The following GRIK1 variants were observed in gnomAD, a reference collection of about 807,000 sequenced individuals.
GRIK1 encodes the protein glutamate ionotropic receptor kainate type subunit 1.
GRIK1 carries 69 observed loss-of-function variants against 105.7 expected under a neutral mutation model. The observed-to-expected ratio is 0.65, with a 90% CI of 0.54 to 0.80. GRIK1 has a LOEUF of 0.80. Ranked by LOEUF, GRIK1 falls within the 30% of genes least tolerant of loss-of-function variation. GRIK1 has a pLI of 0.00. For synonymous variants in GRIK1, 438 were observed against 431.3 expected, an observed-to-expected ratio of 1.02 and a Z score of -0.19; for missense variants, 1,109 against 1,167.3, an observed-to-expected ratio of 0.95 and a Z score of 0.73.
intron 1 of GRIK1, among the ~76,000 whole-genome samples, chr21:29,706,664 A>C (rs1042495770): frequency 2.6e-5 from 4 of 152,230 alleles, no homozygotes; most frequent in Non-Finnish European, 5.9e-5. Context: ...CAGATATCCA[A>C]GAAAGCTTCT....
At chr21:29,814,308 A>C (rs2145902722) in intron 1 of GRIK1, among the ~76,000 whole-genome samples, 1 of 151,954 alleles carries the variant, frequency 6.6e-6, no homozygotes, top group Admixed American at 6.6e-5. Flanking sequence ...TCTTCATGAC[A>C]AAGGAGAGAT....
At chr21:29,868,154 A>T (rs1173810595) in intron 1 of GRIK1, among the ~76,000 whole-genome samples, 1 of 152,214 alleles carries the variant, frequency 6.6e-6, no homozygotes, top group Non-Finnish European at 1.5e-5. Context: ...TGAAAACAAC[A>T]AAACTGGAAG....
intron 1 of GRIK1, among the ~76,000 whole-genome samples, chr21:29,879,309 C>G (rs754410796): frequency 2.0e-5 from 3 of 151,902 alleles, no homozygotes; most frequent in Non-Finnish European, 4.4e-5. Flanking sequence ...TTAGAGTGAT[C>G]AACAGAGAGA....
At chr21:29,757,674 A>T (rs1009359283) in intron 1 of GRIK1, among the ~76,000 whole-genome samples, 79 of 152,192 alleles carry the variant, frequency 5.2e-4, no homozygotes, top group Non-Finnish European at 8.5e-4. Flanking sequence ...CAGATAATCA[A>T]TTTTTCCCCC....
rs545884619 is a variant in GRIK1, at chr21:29,808,805, A to G, written c.119-114742T>C. Reference sequence around the variant, plus strand: ...CCCCCTGCAGTTCAAAATGTAGTTTATAATTTTCCTTAGCCCCCCATGTTT... The same window carrying G: ...CCCCCTGCAGTTCAAAATGTAGTTTGTAATTTTCCTTAGCCCCCCATGTTT... On this transcript the variant is annotated intron_variant, in intron 1 of 17. Transcript: ENST00000327783. Among the ~76,000 whole-genome samples, 6 of 152,294 alleles carry G rather than the reference A, an allele frequency of 3.9e-5. No homozygotes were observed. The South Asian group carries it at 1.2e-3, about 32-fold the overall frequency.
In GRIK1 at chr21:29,672,966, C is replaced by A. The variant is rs1456592576; in HGVS notation, c.726+17G>T. The A allele has an allele frequency of 7.0e-6, 11 of 1,565,568 alleles. No homozygotes were observed. The highest frequency in any genetic ancestry group is 9.6e-6 in the Non-Finnish European group (11 of 1,150,240). Reference sequence around the variant, plus strand: ...AACATTTATCCCACACCTCCACCTCCTCCCTAGCCCTCTTACCTGCTTAAG... The same window carrying A: ...AACATTTATCCCACACCTCCACCTCATCCCTAGCCCTCTTACCTGCTTAAG... On this transcript the variant is annotated intron_variant, in intron 4 of 17. Coordinates refer to ENST00000327783, the MANE Select transcript of GRIK1 (RefSeq NM_001330994.2).
intron 1 of GRIK1, among the ~76,000 whole-genome samples, chr21:29,730,863 A>G (rs2064605164): frequency 6.6e-6 from 1 of 152,110 alleles, no homozygotes; most frequent in African/African-American, 2.4e-5. Context: ...AAATTAAAAG[A>G]TAAAATAAAA....
At chr21:29,865,773 A>G (rs2068781230) in intron 1 of GRIK1, among the ~76,000 whole-genome samples, 1 of 152,256 alleles carries the variant, frequency 6.6e-6, no homozygotes, top group African/African-American at 2.4e-5. Context: ...ATATTTTTCA[A>G]AATAAAATAT....
At chr21:29,786,854 A>G (rs1360451326) in intron 1 of GRIK1, among the ~76,000 whole-genome samples, 2 of 152,192 alleles carry the variant, frequency 1.3e-5, no homozygotes, top group Admixed American at 6.5e-5. Context: ...ACCTATCCCC[A>G]GTAAGCCTTC....
intron 1 of GRIK1, among the ~76,000 whole-genome samples, chr21:29,926,950 C>T (rs559682174): frequency 2.0e-5 from 3 of 152,214 alleles, no homozygotes; most frequent in Non-Finnish European, 4.4e-5. Context: ...TAATTGGAGC[C>T]TGGATGATAG....
At chr21:29,740,929 G>T (rs539397796) in intron 1 of GRIK1, among the ~76,000 whole-genome samples, 1 of 152,318 alleles carries the variant, frequency 6.6e-6, no homozygotes, top group East Asian at 1.9e-4. Flanking sequence ...TTCTCAAGAA[G>T]ATAGATTTTA....
chr21:29,932,301 G>A (rs991676699), intron 1 of GRIK1, among the ~76,000 whole-genome samples: 3 of 152,116 alleles, frequency 2.0e-5, no homozygotes, highest in Non-Finnish European at 4.4e-5. Context: ...TTTGTGGCCA[G>A]TAGTTTACTT....
chr21:29,714,566 T>C (rs1300632957), intron 1 of GRIK1, among the ~76,000 whole-genome samples: 1 of 151,916 alleles, frequency 6.6e-6, no homozygotes, highest in East Asian at 1.9e-4. Context: ...TCACCAAGAG[T>C]AGGTGGATAT....
chr21:29,572,367 A>C (rs560063569), intron 14 of GRIK1, among the ~76,000 whole-genome samples: 13 of 152,210 alleles, frequency 8.5e-5, no homozygotes, highest in Non-Finnish European at 1.9e-4. Flanking sequence ...GAACTTGGCA[A>C]CAGTGTCTCT....
chr21:29,597,736 A>G, intron 8 of GRIK1: 2 of 360,858 alleles, frequency 5.5e-6, no homozygotes, highest in South Asian at 4.6e-5. Flanking sequence ...CAAAACTGCA[A>G]ACAAATTATT....
At chr21:29,585,588 C>T (rs1317655438) in intron 12 of GRIK1, among the ~76,000 whole-genome samples, 1 of 152,078 alleles carries the variant, frequency 6.6e-6, no homozygotes, top group Non-Finnish European at 1.5e-5. Flanking sequence ...CACTTTTGCC[C>T]TGCGAAATAT....
chr21:29,698,937 T>C (rs1257432484), intron 1 of GRIK1, among the ~76,000 whole-genome samples: 1 of 152,210 alleles, frequency 6.6e-6, no homozygotes, highest in Non-Finnish European at 1.5e-5. Context: ...GAAAAATTAA[T>C]GCTTTTTTTA....
At chr21:29,714,313 T>C (rs572649771) in intron 1 of GRIK1, among the ~76,000 whole-genome samples, 1 of 152,300 alleles carries the variant, frequency 6.6e-6, no homozygotes, top group Non-Finnish European at 1.5e-5. Context: ...TGGATCTTAA[T>C]ATCAAATGCT....
At chr21:29,851,048 A>G (rs114320785) in intron 1 of GRIK1, among the ~76,000 whole-genome samples, 18 of 146,342 alleles carry the variant, frequency 1.2e-4, no homozygotes, top group Admixed American at 3.4e-4. Flanking sequence ...ATCAACTAGA[A>G]ATGATTTCTT....
Sources: gnomAD v4.1 joint callset for allele counts (sites outside exome capture counted in the v4.1 genomes callset) on GRCh38, gnomAD v4.1.1 for gene constraint, MANE v1.5 for transcripts, NCBI Gene and HGNC (gene_info 2026-07-23, HGNC 2026-07-21) for gene names.